PHF24: variants seen among roughly 807,000 people sequenced by gnomAD.
PHF24 encodes the protein PHD finger protein 24.
In PHF24, 25 loss-of-function variants were observed where a neutral mutation model predicts 42.6. That is an observed-to-expected ratio of 0.59 (90% CI 0.43 to 0.82). PHF24 has a LOEUF of 0.82. PHF24 is among the 40% of genes least tolerant of loss of function. The pLI, the probability that PHF24 is intolerant of heterozygous loss-of-function variation, is 0.00. For missense variants in PHF24, 470 were observed against 538.1 expected, an observed-to-expected ratio of 0.87 and a Z score of 1.25; for synonymous variants, 185 against 204.8, an observed-to-expected ratio of 0.90 and a Z score of 0.83.
chr9:34,858,206 G>A, the PHF24 span, among the ~76,000 whole-genome samples: 7 of 151,984 alleles, frequency 4.6e-5, no homozygotes, highest in Non-Finnish European at 8.8e-5. Flanking sequence ...TGATTCTCAT[G>A]GCCATGCATT....
At chr9:34,802,432 C>A in the PHF24 span, among the ~76,000 whole-genome samples, 4 of 152,046 alleles carry the variant, frequency 2.6e-5, no homozygotes, top group African/African-American at 9.7e-5. Context: ...CTTTATTGTA[C>A]ACATTTGCAT....
the PHF24 span, among the ~76,000 whole-genome samples, chr9:34,935,867 G>A: frequency 5.9e-5 from 9 of 151,570 alleles, no homozygotes; most frequent in Non-Finnish European, 1.3e-4. Flanking sequence ...CAAAGAGGAG[G>A]GAAAAAAGAG....
At chr9:34,740,237 A>G in the PHF24 span, among the ~76,000 whole-genome samples, 1 of 151,944 alleles carries the variant, frequency 6.6e-6, no homozygotes, top group Non-Finnish European at 1.5e-5. Flanking sequence ...GTGCGCCCGC[A>G]CTCCTCAGCC....
At chr9:34,832,517 C>T in the PHF24 span, 5 of 1,517,446 alleles carry the variant, frequency 3.3e-6, no homozygotes, top group Non-Finnish European at 4.4e-6. Context: ...TCTTACTTCT[C>T]CCCACAGGGC....
the PHF24 span, among the ~76,000 whole-genome samples, chr9:34,825,947 T>C: frequency 9.9e-5 from 15 of 152,230 alleles, no homozygotes; most frequent in East Asian, 1.4e-3. Flanking sequence ...CCTGTGGCCT[T>C]TGTAGTAGGC....
chr9:34,771,105 C>T, the PHF24 span, among the ~76,000 whole-genome samples: 1 of 152,208 alleles, frequency 6.6e-6, no homozygotes, highest in African/African-American at 2.4e-5. Flanking sequence ...AAGAGCAAAA[C>T]TTTGTCTCGA....
At chr9:34,962,722 A>C (rs1038286606) in intron 1 of PHF24, among the ~76,000 whole-genome samples, 3 of 152,264 alleles carry the variant, frequency 2.0e-5, no homozygotes, top group Non-Finnish European at 4.4e-5. Flanking sequence ...TGCTAAGTGC[A>C]GTCTCACCAG....
chr9:34,732,256 C>T, the PHF24 span, among the ~76,000 whole-genome samples: 4 of 152,106 alleles, frequency 2.6e-5, no homozygotes, highest in Non-Finnish European at 4.4e-5. Context: ...CACATCCTTG[C>T]CAGCATTCAT....
chr9:34,687,592 C>A, the PHF24 span, among the ~76,000 whole-genome samples: 2 of 152,202 alleles, frequency 1.3e-5, no homozygotes, highest in African/African-American at 4.8e-5. Flanking sequence ...ATGGAGGTAG[C>A]GTCCAGGGGC....
At chr9:34,734,592 A>G in the PHF24 span, among the ~76,000 whole-genome samples, 1 of 152,228 alleles carries the variant, frequency 6.6e-6, no homozygotes, top group African/African-American at 2.4e-5. Flanking sequence ...TAAATCACGT[A>G]TAGGTGAAGA....
chr9:34,866,032 A>G, the PHF24 span, among the ~76,000 whole-genome samples: 1 of 152,224 alleles, frequency 6.6e-6, no homozygotes, highest in Non-Finnish European at 1.5e-5. Context: ...TTGGTCAAAG[A>G]CAAGCTGCTA....
the PHF24 span, among the ~76,000 whole-genome samples, chr9:34,680,143 G>A: frequency 6.6e-6 from 1 of 152,196 alleles, no homozygotes; most frequent in Admixed American, 6.5e-5. Flanking sequence ...TAGAGGACAA[G>A]GTGGGCAGAT....
the PHF24 span, among the ~76,000 whole-genome samples, chr9:34,700,753 G>A: frequency 1.3e-5 from 2 of 152,110 alleles, no homozygotes; most frequent in Admixed American, 1.3e-4. Flanking sequence ...AGATAGAAGA[G>A]GTCCAAGTTC....
At chr9:34,960,607 T>C (rs550303382) in intron 1 of PHF24, among the ~76,000 whole-genome samples, 2 of 152,334 alleles carry the variant, frequency 1.3e-5, no homozygotes, top group East Asian at 1.9e-4. Flanking sequence ...TTCCAGATCA[T>C]TGATTTGTCA....
the PHF24 span, among the ~76,000 whole-genome samples, chr9:34,873,996 T>C: frequency 6.6e-6 from 1 of 152,222 alleles, no homozygotes; most frequent in East Asian, 1.9e-4. Context: ...TTTGGCTGTT[T>C]GTCTGTTACT....
the PHF24 span, among the ~76,000 whole-genome samples, chr9:34,744,264 A>G: frequency 6.6e-6 from 1 of 152,238 alleles, no homozygotes; most frequent in African/African-American, 2.4e-5. Context: ...TCAATTGGAT[A>G]TCATCAGTGG....
At chr9:34,811,931 C>T in the PHF24 span, among the ~76,000 whole-genome samples, 12 of 151,910 alleles carry the variant, frequency 7.9e-5, no homozygotes, top group African/African-American at 2.4e-4. Flanking sequence ...TATAAAGAAC[C>T]CTACAACTCA....
At chr9:34,979,776 G>C (rs1391766382) in exon 8 of PHF24, 1 of 152,234 alleles carries the variant, frequency 6.6e-6, no homozygotes, top group African/African-American at 2.4e-5. Context: ...GAAGCAGGGT[G>C]GTGAGCTGCT....
the PHF24 span, among the ~76,000 whole-genome samples, chr9:34,793,819 T>C: frequency 6.6e-6 from 1 of 151,646 alleles, no homozygotes; most frequent in Non-Finnish European, 1.5e-5. Context: ...CAAGCAATGA[T>C]TTTGGAAGAG....
Sources: gnomAD v4.1 joint callset for allele counts (sites outside exome capture counted in the v4.1 genomes callset) on GRCh38, gnomAD v4.1.1 for gene constraint, MANE v1.5 for transcripts, NCBI Gene and HGNC (gene_info 2026-07-23, HGNC 2026-07-21) for gene names.